ANKRD35: variants seen among roughly 807,000 people sequenced by gnomAD.
ANKRD35 encodes ankyrin repeat domain-containing protein 35.
In ANKRD35, 102 loss-of-function variants were observed where a neutral mutation model predicts 109.9. That is an observed-to-expected ratio of 0.93 (90% CI 0.79 to 1.09). The LOEUF (loss-of-function observed/expected upper bound fraction) is 1.09. Among genes scored for constraint, ANKRD35 ranks in the 50% least tolerant of loss-of-function variants. The pLI, the probability that ANKRD35 is intolerant of heterozygous loss-of-function variation, is 0.00. For synonymous variants in ANKRD35, 515 were observed against 512.4 expected (o/e 1.01, Z -0.07); for missense variants, 1,240 against 1,230.1 (o/e 1.01, Z -0.12).
At position 145,872,046 on chromosome 1, in the gene ANKRD35, G is replaced by GT. The variant is rs1195114735; in HGVS notation, c.2722dup (p.Thr908AsnfsTer59). On this transcript the variant is annotated frameshift_variant, in exon 10 of 14. Transcript: ENST00000355594. LOFTEE classifies it high-confidence loss of function. ...CATCTTCTCTTTCAGCAGCTCTGCC[G>GT]TTTTCTCAAACTGCTCGGAGCGCCC... is the stretch of plus-strand genomic sequence containing the variant. 1 of 1,613,642 alleles carries GT rather than the reference G, an allele frequency of 6.2e-7. No homozygotes were observed. Among genetic ancestry groups the GT allele is most frequent in the Non-Finnish European group, 8.5e-7 (1 of 1,179,958 alleles).
In ANKRD35 at chr1:145,878,040, A is replaced by G; in HGVS notation, c.260-8T>C. ...AGTGTAGGGCAGTGCTTCCTGGAAC[A>G]GAAAGAAGGGGAGAAGGAGGGTAGG... On this transcript the variant is annotated splice_polypyrimidine_tract_variant and splice_region_variant and intron_variant, in intron 3 of 13. Coordinates refer to ENST00000355594, the MANE Select transcript of ANKRD35 (RefSeq NM_144698.5). 1 of 1,613,794 alleles carries G rather than the reference A, an allele frequency of 6.2e-7. No homozygotes were observed. The highest frequency in any genetic ancestry group is 2.2e-5 in the East Asian group (1 of 44,882).
At chr1:145,881,847 G>T (rs1209495760) in intron 1 of ANKRD35, among the ~76,000 whole-genome samples, 1 of 152,072 alleles carries the variant, frequency 6.6e-6, no homozygotes, top group Non-Finnish European at 1.5e-5. Flanking sequence ...CTCCAGCCAG[G>T]AGAGTGGAAG....
chr1:145,872,967 C>A lies in ANKRD35; in HGVS notation c.1802G>T (p.Gly601Val). The change falls in exon 10 of 14, where the codon GGG becomes GTG. Residue 601 changes from glycine to valine, a missense_variant. Transcript: ENST00000355594. Reference sequence around the variant, plus strand: ...TGCCAGGCCTCCTAGGGCCTTTTCCCCTCCAAGGGCCCCTAGAGGCTCTCC... The same window carrying A: ...TGCCAGGCCTCCTAGGGCCTTTTCCACTCCAAGGGCCCCTAGAGGCTCTCC... Reference protein sequence around the residue: ...AQGEPLGALGGEKALGGLAKG... With the variant: ...AQGEPLGALGVEKALGGLAKG... The A allele has an allele frequency of 6.2e-7, 1 of 1,609,778 alleles. No individual in the cohort carries two copies. The highest frequency in any genetic ancestry group is 8.5e-7 in the Non-Finnish European group (1 of 1,177,922).
At chr1:145,869,072 A>G (rs1462943829) in intron 10 of ANKRD35, among the ~76,000 whole-genome samples, 2 of 152,212 alleles carry the variant, frequency 1.3e-5, no homozygotes, top group Non-Finnish European at 2.9e-5. Context: ...TTAAAAAAAA[A>G]GCTGCTATCC....
rs781913649 is a variant in ANKRD35 at position 145,872,970 on chromosome 1, C to T, written c.1799G>A (p.Gly600Glu). The change falls in exon 10 of 14, where the codon GGA becomes GAA. Residue 600 changes from glycine to glutamate, a missense_variant. By Grantham distance (98) the Gly-to-Glu change is moderately conservative (BLOSUM62 -2). Coordinates refer to ENST00000355594, the MANE Select transcript of ANKRD35 (RefSeq NM_144698.5). Reference protein sequence around the residue: ...GAQGEPLGALGGEKALGGLAK... With the variant: ...GAQGEPLGALEGEKALGGLAK... The stretch of plus-strand genomic sequence containing the variant: ...CAGGCCTCCTAGGGCCTTTTCCCCT[C>T]CAAGGGCCCCTAGAGGCTCTCCTTG... 1 of 1,609,920 alleles carries T rather than the reference C, an allele frequency of 6.2e-7. No individual in the cohort carries two copies. Among genetic ancestry groups the T allele is most frequent in the Non-Finnish European group, 8.5e-7 (1 of 1,178,050 alleles).
chr1:145,876,542 C>A, intron 6 of ANKRD35, 27 bp downstream of exon 6: 1 of 1,614,072 alleles, frequency 6.2e-7, no homozygotes. Flanking sequence ...GTGTAGGACA[C>A]TGCCCACTTG....
chr1:145,876,450 G>T, intron 6 of ANKRD35, 119 bp downstream of exon 6: 1 of 1,244,588 alleles, frequency 8.0e-7, no homozygotes, highest in Non-Finnish European at 1.2e-6. Flanking sequence ...AGCAGGAGGA[G>T]AAGGAAGAGA....
intron 1 of ANKRD35, among the ~76,000 whole-genome samples, chr1:145,882,554 A>G (rs1654333075): frequency 6.6e-6 from 1 of 151,850 alleles, no homozygotes; most frequent in Non-Finnish European, 1.5e-5. Flanking sequence ...TCAGCCTCCC[A>G]AAGTGCTGGG....
Position 145,867,393 on chromosome 1 carries a change from C to A in ANKRD35, c.2944-1G>T. 6.2e-7 allele frequency: 1 copy of A among 1,613,566 alleles called. No individual in the cohort carries two copies. Among genetic ancestry groups the A allele is most frequent in the South Asian group, 1.1e-5 (1 of 91,036 alleles). ...TGTACACTTCATGTTCCATGTAACC[C>A]TGTAGATGTCAGGAAAGGAAGAAAA... On this transcript the variant is annotated splice_acceptor_variant, in intron 12 of 13. Transcript: ENST00000355594. LOFTEE classifies it high-confidence loss of function.
Position 145,872,304 on chromosome 1 carries a change from G to A in ANKRD35, c.2465C>T (p.Ala822Val), listed in dbSNP as rs1653858379. Residue 822 changes from alanine (A) to valine (V), a missense_variant, in exon 10 of 14, where the codon GCT becomes GTT. Transcript: ENST00000355594. Reference sequence around the variant, plus strand: ...GGCTGCCTCCCGGGCCCTTAGCTCAGCCACTTCCTCTGTGGCTTGGTAGAG... The same window carrying A: ...GGCTGCCTCCCGGGCCCTTAGCTCAACCACTTCCTCTGTGGCTTGGTAGAG... ...QLLYQATEEV[A>V]ELRAREAASL... is the part of the protein sequence containing the mutation. The A allele has an allele frequency of 6.2e-7, 1 of 1,612,924 alleles. No homozygotes were observed. Among genetic ancestry groups the A allele is most frequent in the Non-Finnish European group, 8.5e-7 (1 of 1,179,630 alleles).
Position 145,873,075 on chromosome 1 carries a change from T to G in ANKRD35, c.1694A>C (p.Glu565Ala). The change falls in exon 10 of 14, where the codon GAG becomes GCG. Residue 565 changes from glutamate to alanine, a missense_variant. Physicochemically the swap from Glu to Ala is moderately radical, Grantham distance 107 (BLOSUM62 -1). Transcript: ENST00000355594. ...TGCCTTTAGGGCTCCCTCTCTGGACTCCTGGGAAGGAACCTCAGGTTTCAC... is the reference window on the plus strand; with the variant it reads ...TGCCTTTAGGGCTCCCTCTCTGGACGCCTGGGAAGGAACCTCAGGTTTCAC... ...LQVKPEVPSQ[E>A]SREGALKAAP... is the part of the protein sequence containing the mutation. The G allele has an allele frequency of 6.2e-7, 1 of 1,612,496 alleles. No individual in the cohort carries two copies. The highest frequency in any genetic ancestry group is 8.5e-7 in the Non-Finnish European group (1 of 1,179,232).
At chr1:145,878,180 AG>A (rs1300521418) in intron 3 of ANKRD35, 148 bp from the exon 4 acceptor site, 1 of 927,176 alleles carries the variant, frequency 1.1e-6, no homozygotes, top group East Asian at 2.5e-5. Flanking sequence ...CTGTTCCCCA[AG>A]TGCCTGGTAC....
rs1654062408 is a variant in ANKRD35 at position 145,876,160 on chromosome 1, A to T, written c.540T>A (p.Asn180Lys). ...SQLLQRGARV[N>K]VTDKNDKSAL... The stretch of plus-strand genomic sequence containing the variant: ...CTCACTTGTCATTCTTGTCTGTAAC[A>T]TTAACTCGGGCGCCTCGCTGCAGCA... The change falls in exon 7 of 14, where the codon AAT becomes AAA. Residue 180 changes from asparagine to lysine, a missense_variant. Coordinates refer to ENST00000355594, the MANE Select transcript of ANKRD35 (RefSeq NM_144698.5). 8 of 1,613,986 alleles carry T rather than the reference A, an allele frequency of 5.0e-6. No homozygotes were observed. Among genetic ancestry groups the T allele is most frequent in the Non-Finnish European group, 6.8e-6 (8 of 1,179,982 alleles).
rs782039786 is a variant in ANKRD35, at chr1:145,879,401, C to T, written c.40-13G>A. The T allele has an allele frequency of 1.3e-6, 2 of 1,535,262 alleles. No individual in the cohort carries two copies. Among genetic ancestry groups the T allele is most frequent in the Admixed American group, 2.0e-5 (1 of 50,770 alleles). ...TCCATCTCTCCACCTGGTCCAGAGC[C>T]ACAGGTTGTGTGAATATAGGGCATG... On this transcript the variant is annotated splice_polypyrimidine_tract_variant and intron_variant, in intron 1 of 13. Transcript: ENST00000355594.
chr1:145,871,847 G>A (rs1410731886), intron 10 of ANKRD35, 135 bp downstream of exon 10: 2 of 1,152,954 alleles, frequency 1.7e-6, no homozygotes, highest in African/African-American at 1.5e-5. Flanking sequence ...TGTGGTCCCT[G>A]CAAAGGACTG....
chr1:145,876,433 G>T (rs1654077652), intron 6 of ANKRD35, 136 bp downstream of exon 6: 1 of 1,176,320 alleles, frequency 8.5e-7, no homozygotes, highest in African/African-American at 1.5e-5. Flanking sequence ...TGAGGAAGAA[G>T]AGGAGAAGCA....
intron 10 of ANKRD35, among the ~76,000 whole-genome samples, chr1:145,871,113 C>G (rs1002216351): frequency 7.5e-6 from 1 of 134,208 alleles, no homozygotes; most frequent in African/African-American, 2.7e-5. Context: ...TAGTGGTTTT[C>G]AAGCTTTTTT....
At chr1:145,867,252 A>T in intron 13 of ANKRD35, 35 bp downstream of exon 13, 1 of 1,435,060 alleles carries the variant, frequency 7.0e-7, no homozygotes, top group South Asian at 1.1e-5. Context: ...TTTCTCCCAA[A>T]CTCCTTCCCT....
At position 145,876,816 on chromosome 1, in the gene ANKRD35, C is replaced by A. The variant is rs201316057; in HGVS notation, c.382G>T (p.Ala128Ser). 260 of 1,614,130 alleles carry A rather than the reference C, an allele frequency of 1.6e-4. No individual in the cohort carries two copies. Among genetic ancestry groups the A allele is most frequent in the Non-Finnish European group, 2.1e-4 (252 of 1,180,044 alleles). The change falls in exon 5 of 14, where the codon GCC (alanine) becomes TCC (serine). Residue 128 changes from alanine to serine, a missense_variant and splice_region_variant. Transcript: ENST00000355594. Reference sequence around the variant, plus strand: ...GTTCCCATGAGTCCCCTGCACACACCTGCCCAGTGCAATGGACTACGGTTT... The same window carrying A: ...GTTCCCATGAGTCCCCTGCACACACATGCCCAGTGCAATGGACTACGGTTT... Reference protein sequence around the residue: ...AENRSPLHWAASSGCASSVLL... With the variant: ...AENRSPLHWASSSGCASSVLL...
Sources: gnomAD v4.1 joint callset for allele counts (sites outside exome capture counted in the v4.1 genomes callset) on GRCh38, gnomAD v4.1.1 for gene constraint, MANE v1.5 for transcripts, NCBI Gene and HGNC (gene_info 2026-07-23, HGNC 2026-07-21) for gene names.